PRKCA: variants seen among roughly 807,000 people sequenced by gnomAD.
The protein encoded by PRKCA is protein kinase C alpha type.
Under a neutral mutation model 87.0 loss-of-function variants are expected in PRKCA, and 27 were observed. That is an observed-to-expected ratio of 0.31 (90% CI 0.23 to 0.43). The LOEUF is 0.43. Among genes scored for constraint, PRKCA ranks in the 20% least tolerant of loss-of-function variants. The probability of loss-of-function intolerance (pLI) is 1.00; values close to 1 mark genes in which losing one functional copy is unlikely to be tolerated. For synonymous variants in PRKCA, 329 were observed against 311.1 expected, an observed-to-expected ratio of 1.06 and a Z score of -0.61; for missense variants, 518 against 852.3, an observed-to-expected ratio of 0.61 and a Z score of 4.88.
chr17:66,758,098 G>C (rs1191614780), intron 13 of PRKCA, among the ~76,000 whole-genome samples: 1 of 152,228 alleles, frequency 6.6e-6, no homozygotes, highest in Non-Finnish European at 1.5e-5. Flanking sequence ...AGGAAGGGCA[G>C]GCTTTGCAGA....
At chr17:66,422,863 C>T (rs1019932621) in intron 2 of PRKCA, among the ~76,000 whole-genome samples, 7 of 152,276 alleles carry the variant, frequency 4.6e-5, no homozygotes, top group East Asian at 3.9e-4. Flanking sequence ...GTAATCCTAG[C>T]GCTTTGGGAG....
At chr17:66,636,219 C>G (rs527867996) in intron 3 of PRKCA, among the ~76,000 whole-genome samples, 35 of 152,292 alleles carry the variant, frequency 2.3e-4, no homozygotes, top group Admixed American at 5.2e-4. Flanking sequence ...ACGAGTTGCT[C>G]TCTGCAGATC....
intron 13 of PRKCA, among the ~76,000 whole-genome samples, chr17:66,747,609 C>A (rs576435599): frequency 6.6e-6 from 1 of 152,160 alleles, no homozygotes; most frequent in Non-Finnish European, 1.5e-5. Flanking sequence ...ATGTTCTGAC[C>A]GGAGCCCGTA....
At chr17:66,488,333 A>G (rs1010423056) in intron 2 of PRKCA, among the ~76,000 whole-genome samples, 1 of 152,188 alleles carries the variant, frequency 6.6e-6, no homozygotes, top group Admixed American at 6.5e-5. Flanking sequence ...TTTAAAGGGT[A>G]TTTAATGGTT....
chr17:66,435,472 C>T (rs911465091), intron 2 of PRKCA, among the ~76,000 whole-genome samples: 35 of 152,184 alleles, frequency 2.3e-4, no homozygotes, highest in African/African-American at 8.2e-4. Flanking sequence ...AATCGCGAGA[C>T]GCACTCACGG....
At chr17:66,453,657 G>T (rs922692775) in intron 2 of PRKCA, among the ~76,000 whole-genome samples, 1 of 152,030 alleles carries the variant, frequency 6.6e-6, no homozygotes, top group Admixed American at 6.6e-5. Flanking sequence ...CTCCCTTTGC[G>T]CCGCCCTCGT....
chr17:66,618,552 T>A (rs1970579486), intron 3 of PRKCA, among the ~76,000 whole-genome samples: 2 of 152,258 alleles, frequency 1.3e-5, no homozygotes, highest in South Asian at 4.2e-4. Flanking sequence ...ATTATGATTT[T>A]AAAAAACTTT....
chr17:66,406,245 G>C lies in PRKCA; in HGVS notation c.206-89956G>C, dbSNP rs912137503. ...CAGGTCTCCCATTAAAGAACGGGGT[G>C]GGGGAGGGAAAGCAGCTTTGAATTA... On this transcript the variant is annotated intron_variant, in intron 2 of 16. Coordinates refer to ENST00000413366, the MANE Select transcript of PRKCA (RefSeq NM_002737.3). 3.9e-5 allele frequency among the ~76,000 whole-genome samples: 6 copies of C among 152,252 alleles called. No homozygotes were observed. In the East Asian group the frequency reaches 9.6e-4, roughly 24 times the overall value.
chr17:66,664,087 C>T (rs1348893051), intron 5 of PRKCA, among the ~76,000 whole-genome samples: 3 of 152,022 alleles, frequency 2.0e-5, no homozygotes, highest in Non-Finnish European at 4.4e-5. Context: ...GGGCAGGTCT[C>T]GAACTCCTGG....
chr17:66,764,458 C>T (rs1974753243), intron 13 of PRKCA, among the ~76,000 whole-genome samples: 1 of 152,164 alleles, frequency 6.6e-6, no homozygotes, highest in African/African-American at 2.4e-5. Flanking sequence ...CAAGAAGCTA[C>T]CCCCTGGTCC....
intron 2 of PRKCA, among the ~76,000 whole-genome samples, chr17:66,394,998 A>G (rs1910580317): frequency 6.6e-6 from 1 of 152,210 alleles, no homozygotes; most frequent in Non-Finnish European, 1.5e-5. Context: ...AGGCAGCATG[A>G]CTATTTTTAG....
At chr17:66,683,722 C>T (rs1972552703) in intron 5 of PRKCA, among the ~76,000 whole-genome samples, 1 of 152,132 alleles carries the variant, frequency 6.6e-6, no homozygotes, top group African/African-American at 2.4e-5. Flanking sequence ...GCCTCAGTCT[C>T]CTGAGTATCT....
chr17:66,781,887 A>ATATATATATAGTGT (rs767300220), intron 14 of PRKCA, among the ~76,000 whole-genome samples: 28 of 125,582 alleles, frequency 2.2e-4, no homozygotes, highest in South Asian at 5.0e-4. Flanking sequence ...ATATATATAT[A>ATATATATATAGTGT]GTGTGTGTGT....
intron 8 of PRKCA, among the ~76,000 whole-genome samples, chr17:66,726,276 TC>T (rs1329637123): frequency 1.3e-5 from 2 of 152,148 alleles, no homozygotes; most frequent in Non-Finnish European, 2.9e-5. Context: ...GCTCAGGTGT[TC>T]GCAGGTGTGC....
chr17:66,336,754 T>TTGTG (rs148842588), intron 2 of PRKCA, among the ~76,000 whole-genome samples: 6,424 of 133,556 alleles, frequency 0.048, 152 homozygotes, highest in East Asian at 0.067. Context: ...GCAAATAAGT[T>TTGTG]TGTGTGTGTG....
intron 2 of PRKCA, among the ~76,000 whole-genome samples, chr17:66,401,795 G>A (rs531752928): frequency 9.2e-5 from 14 of 152,284 alleles, no homozygotes; most frequent in East Asian, 1.9e-4. Context: ...CAGTGGTTCC[G>A]TGATCTGAAA....
At chr17:66,472,221 G>A (rs572190787) in intron 2 of PRKCA, among the ~76,000 whole-genome samples, 4 of 152,160 alleles carry the variant, frequency 2.6e-5, no homozygotes, top group Admixed American at 2.0e-4. Flanking sequence ...GATTACAGGC[G>A]TGGACCATCA....
At chr17:66,405,551 A>T (rs1911321168) in intron 2 of PRKCA, among the ~76,000 whole-genome samples, 1 of 152,162 alleles carries the variant, frequency 6.6e-6, no homozygotes, top group South Asian at 2.1e-4. Flanking sequence ...AATAATAGGG[A>T]GAAAAAAAAA....
chr17:66,551,798 A>AGG (rs752098774), intron 3 of PRKCA, among the ~76,000 whole-genome samples: 1 of 151,998 alleles, frequency 6.6e-6, no homozygotes, highest in Non-Finnish European at 1.5e-5. Flanking sequence ...TGAGAGAGAG[A>AGG]GGGGGGAATT....
Sources: gnomAD v4.1 joint callset for allele counts (sites outside exome capture counted in the v4.1 genomes callset) on GRCh38, gnomAD v4.1.1 for gene constraint, MANE v1.5 for transcripts, NCBI Gene and HGNC (gene_info 2026-07-23, HGNC 2026-07-21) for gene names.